Variants in SV2C observed in about 807,000 individuals in gnomAD.
SV2C encodes the protein solute carrier family 22 member B3.
Under a neutral mutation model 79.7 loss-of-function variants are expected in SV2C, and 49 were observed. That is an observed-to-expected ratio of 0.61 (90% CI 0.49 to 0.78). The LOEUF is 0.78. Among genes scored for constraint, SV2C ranks in the 30% least tolerant of loss-of-function variants. SV2C has a pLI of 0.00. For synonymous variants in SV2C, 334 were observed against 333.2 expected (o/e 1.00, Z -0.03); for missense variants, 833 against 912.9 (o/e 0.91, Z 1.13).
chr5:76,090,805 A>C (rs1307214380), intron 1 of SV2C, among the ~76,000 whole-genome samples: 2 of 152,132 alleles, frequency 1.3e-5, no homozygotes, highest in Non-Finnish European at 2.9e-5. Flanking sequence ...GGGGGGCTAA[A>C]ATTTATCTAG....
In SV2C at chr5:76,083,456, C is replaced by T. The variant is rs1447062146; in HGVS notation, c.-158C>T. ...GAAGCGAGCCGGAGCGGCGCCCGCA[C>T]TGAGGCGGCTGCAGTGCTGACACCA... is the stretch of plus-strand genomic sequence containing the variant. On this transcript the variant is annotated 5_prime_UTR_variant, in exon 1 of 13. Transcript: ENST00000502798. 6.6e-6 allele frequency: 1 copy of T among 152,486 alleles called. No individual in the cohort carries two copies. Among genetic ancestry groups the T allele is most frequent in the Non-Finnish European group, 1.5e-5 (1 of 68,270 alleles). The allele number at this position is 152,486 out of a possible 1,614,324, so 9.4% of individuals were successfully genotyped here. A position where few individuals can be genotyped will look rare whatever the true frequency, so the allele number is the denominator to read the frequency against.
intron 4 of SV2C, among the ~76,000 whole-genome samples, chr5:76,224,454 G>C (rs987110221): frequency 7.9e-5 from 12 of 152,074 alleles, no homozygotes; most frequent in African/African-American, 2.9e-4. Context: ...TTTATCAAAG[G>C]CTTACAATTA....
chr5:76,148,032 CTAAA>C (rs1466243880), intron 2 of SV2C, among the ~76,000 whole-genome samples: 6 of 152,110 alleles, frequency 3.9e-5, no homozygotes, highest in African/African-American at 1.2e-4. Flanking sequence ...GTTTAGGATG[CTAAA>C]TAAAGAGACT....
the SV2C span, among the ~76,000 whole-genome samples, chr5:75,887,047 T>G: frequency 6.6e-6 from 1 of 152,134 alleles, no homozygotes; most frequent in African/African-American, 2.4e-5. Context: ...CACTTTATTT[T>G]TTTATTTTTA....
chr5:76,036,972 C>T, the SV2C span, among the ~76,000 whole-genome samples: 5 of 152,134 alleles, frequency 3.3e-5, no homozygotes, highest in African/African-American at 9.7e-5. Flanking sequence ...CTAAACTTCC[C>T]TTCTTGCTTC....
the SV2C span, among the ~76,000 whole-genome samples, chr5:75,897,255 G>A: frequency 6.6e-6 from 1 of 151,676 alleles, no homozygotes; most frequent in Non-Finnish European, 1.5e-5. Flanking sequence ...TAAGGTGTAA[G>A]GAAGGGATCC....
chr5:76,269,531 A>G (rs1312619856), intron 4 of SV2C, among the ~76,000 whole-genome samples: 2 of 152,210 alleles, frequency 1.3e-5, no homozygotes, highest in African/African-American at 2.4e-5. Context: ...TAAATATTCA[A>G]GGTATCTGCT....
At chr5:76,090,172 G>A (rs1747328249) in intron 1 of SV2C, among the ~76,000 whole-genome samples, 1 of 152,158 alleles carries the variant, frequency 6.6e-6, no homozygotes. Flanking sequence ...AACACCTAGG[G>A]CCAGCTTCAT....
rs541281257 is a variant in SV2C, at chr5:76,192,938, G to A, written c.581-1981G>A. Among the ~76,000 whole-genome samples the A allele has an allele frequency of 2.6e-4, 39 of 152,122 alleles. 1 individual carries two copies. Among genetic ancestry groups the A allele is most frequent in the East Asian group, 2.5e-3 (13 of 5,176 alleles). On this transcript the variant is annotated intron_variant, in intron 2 of 12. Coordinates refer to ENST00000502798, the MANE Select transcript of SV2C (RefSeq NM_014979.4). ...CATTTTGAAATCTTTCTTATCCTTCGGATTCCCCTCTGATGTTCTCTTGTT... is the reference window on the plus strand; with the variant it reads ...CATTTTGAAATCTTTCTTATCCTTCAGATTCCCCTCTGATGTTCTCTTGTT...
chr5:76,276,290 A>G (rs1212898802), intron 4 of SV2C, among the ~76,000 whole-genome samples: 2 of 152,168 alleles, frequency 1.3e-5, no homozygotes, highest in African/African-American at 4.8e-5. Context: ...TTGCAGGGTC[A>G]TTTCTTGAGG....
At chr5:76,216,188 A>G (rs1201527120) in intron 4 of SV2C, among the ~76,000 whole-genome samples, 2 of 152,124 alleles carry the variant, frequency 1.3e-5, no homozygotes, top group Non-Finnish European at 2.9e-5. Context: ...TGGAATAATG[A>G]TGGTGCTTTC....
the SV2C span, among the ~76,000 whole-genome samples, chr5:75,964,473 G>T: frequency 1.3e-5 from 2 of 152,068 alleles, no homozygotes; most frequent in Non-Finnish European, 2.9e-5. Context: ...GCAGGGATAG[G>T]GGAGGAAAGC....
At chr5:76,306,893 T>C (rs1360259531) in intron 12 of SV2C, among the ~76,000 whole-genome samples, 1 of 152,220 alleles carries the variant, frequency 6.6e-6, no homozygotes, top group East Asian at 1.9e-4. Context: ...ATTTAAAAGA[T>C]AGATAAGATC....
At position 76,268,041 on chromosome 5, in the gene SV2C, G is replaced by A. The variant is rs192398860; in HGVS notation, c.914-17121G>A. ...ATACATTTTCAACGATATCCTCCTC[G>A]TGATTCTTAGCACACAAAAGTGCAG... On this transcript the variant is annotated intron_variant, in intron 4 of 12. Transcript: ENST00000502798. Among the ~76,000 whole-genome samples the A allele has an allele frequency of 1.8e-3, 278 of 152,260 alleles. 2 individuals carry two copies. The highest frequency in any genetic ancestry group is 6.1e-3 in the African/African-American group (253 of 41,556).
chr5:75,888,630 G>T, the SV2C span, among the ~76,000 whole-genome samples: 1 of 152,174 alleles, frequency 6.6e-6, no homozygotes, highest in East Asian at 1.9e-4. Flanking sequence ...CTTCTTCAGA[G>T]AGTCCTTCTC....
chr5:76,093,959 T>C lies in SV2C; in HGVS notation c.-102+10447T>C, dbSNP rs185790372. On this transcript the variant is annotated intron_variant, in intron 1 of 12. Transcript: ENST00000502798. ...TTCATTACTGTCTATTCAAGAAATG[T>C]TTTTGGAGCTGGATGCAGTAGCACA... Among the ~76,000 whole-genome samples, 256 of 152,274 alleles carry C rather than the reference T, an allele frequency of 1.7e-3. 3 individuals carry two copies. The Middle Eastern group carries it at 0.024, about 14-fold the overall frequency.
the SV2C span, among the ~76,000 whole-genome samples, chr5:75,916,628 C>T: frequency 1.3e-5 from 2 of 152,108 alleles, no homozygotes; most frequent in Non-Finnish European, 2.9e-5. Context: ...GCACACACCA[C>T]CACATCTGGC....
At chr5:76,087,538 A>G (rs1253086525) in intron 1 of SV2C, among the ~76,000 whole-genome samples, 2 of 152,192 alleles carry the variant, frequency 1.3e-5, no homozygotes, top group Non-Finnish European at 2.9e-5. Flanking sequence ...ATAGTTGTGT[A>G]TATCATATTT....
chr5:76,261,288 A>AT (rs1485884797), intron 4 of SV2C, among the ~76,000 whole-genome samples: 2 of 152,116 alleles, frequency 1.3e-5, no homozygotes, highest in African/African-American at 2.4e-5. Flanking sequence ...TTGCACAATG[A>AT]TTTTGTATTC....
Sources: allele counts gnomAD v4.1 joint callset (sites outside exome capture counted in the v4.1 genomes callset), GRCh38; gene constraint gnomAD v4.1.1; transcripts MANE v1.5; gene names NCBI Gene and HGNC (gene_info 2026-07-23, HGNC 2026-07-21).